Variants in ZC3H14 observed in about 807,000 individuals in gnomAD.
ZC3H14 encodes the protein zinc finger CCCH-type containing 14, also known as zinc finger CCCH domain-containing protein 14.
Under a neutral mutation model 92.4 loss-of-function variants are expected in ZC3H14, and 31 were observed. The observed-to-expected ratio is 0.34, with a 90% CI of 0.25 to 0.45. The LOEUF (loss-of-function observed/expected upper bound fraction) is 0.45. ZC3H14 is among the 20% of genes least tolerant of loss of function. The pLI is 1.00. For synonymous variants in ZC3H14, 321 were observed against 300.9 expected (o/e 1.07, Z -0.69); for missense variants, 781 against 897.3 (o/e 0.87, Z 1.66).
chr14:88,607,187 T>C, intron 12 of ZC3H14, 56 bp from the exon 13 acceptor site: 1 of 1,613,090 alleles, frequency 6.2e-7, no homozygotes, highest in Non-Finnish European at 8.5e-7. Flanking sequence ...TTAAAGGTGC[T>C]GTGTACTGAA....
intron 13 of ZC3H14, chr14:88,608,111 G>A: frequency 2.7e-6 from 1 of 366,104 alleles, no homozygotes; most frequent in Non-Finnish European, 5.1e-6. Flanking sequence ...CACCCTGCAA[G>A]TGAGTACCAT....
chr14:88,626,800 T>C lies in ZC3H14; in HGVS notation c.*15049T>C. On this transcript the variant is annotated 3_prime_UTR_variant, in exon 17 of 17. Coordinates refer to ENST00000251038, the MANE Select transcript of ZC3H14 (RefSeq NM_024824.5). The stretch of plus-strand genomic sequence containing the variant: ...TGATCTAAGGCAAGAGAATGTAAAG[T>C]AGTCAAAGTCACACTATGTGCATTT... 2.5e-6 allele frequency: 4 copies of C among 1,601,290 alleles called. No individual in the cohort carries two copies. The highest frequency in any genetic ancestry group is 2.7e-5 in the African/African-American group (2 of 74,824).
intron 9 of ZC3H14, among the ~76,000 whole-genome samples, chr14:88,583,652 C>G (rs755351643): frequency 6.6e-6 from 1 of 152,092 alleles, no homozygotes; most frequent in Non-Finnish European, 1.5e-5. Context: ...ATTATAGACA[C>G]CTGACTTAAT....
At chr14:88,564,415 C>G (rs1021806890) in intron 2 of ZC3H14, among the ~76,000 whole-genome samples, 1 of 152,250 alleles carries the variant, frequency 6.6e-6, no homozygotes, top group South Asian at 2.1e-4. Flanking sequence ...ACTGTGTAAA[C>G]AAGGAAACTG....
chr14:88,622,805 C>CTTTTTT lies in ZC3H14; in HGVS notation c.*11059_*11064dup. ...ACAAATACCAAGTTATAAGCAGAAT[C>CTTTTTT]TTTTTTTTTTAAAAAGGCCCTGATA... On this transcript the variant is annotated 3_prime_UTR_variant, in exon 17 of 17. Transcript: ENST00000251038. The CTTTTTT allele has an allele frequency of 1.9e-6, 1 of 514,258 alleles. No homozygotes were observed. The highest frequency in any genetic ancestry group is 3.0e-6 in the Non-Finnish European group (1 of 332,318). 31.9% of individuals were successfully genotyped at this position (514,258 alleles called of 1,614,324 possible). A position where few individuals can be genotyped will look rare whatever the true frequency, so the allele number is the denominator to read the frequency against.
At chr14:88,571,168 A>G (rs1445494779) in intron 4 of ZC3H14, 44 bp downstream of exon 4, 1 of 1,508,182 alleles carries the variant, frequency 6.6e-7, no homozygotes, top group East Asian at 2.3e-5. Context: ...TTGCTATGGC[A>G]TATGATTTGT....
chr14:88,601,127 AT>A (rs1409676050), intron 10 of ZC3H14, among the ~76,000 whole-genome samples: 1 of 152,032 alleles, frequency 6.6e-6, no homozygotes, highest in Non-Finnish European at 1.5e-5. Flanking sequence ...CTATTCTGAA[AT>A]TGTATATGTG....
At position 88,563,065 on chromosome 14, in the gene ZC3H14, A is replaced by G. The variant is rs1350355967; in HGVS notation, c.-69A>G. On this transcript the variant is annotated 5_prime_UTR_variant, in exon 1 of 17. Transcript: ENST00000251038. ...GGCGGTGGTGTCCCGGCTGCGGGGTAGGAGTCCGCGGCAGCCTCCGGGTAA... is the reference window on the plus strand; with the variant it reads ...GGCGGTGGTGTCCCGGCTGCGGGGTGGGAGTCCGCGGCAGCCTCCGGGTAA... The G allele has an allele frequency of 1.3e-6, 2 of 1,536,988 alleles. No homozygotes were observed. The highest frequency in any genetic ancestry group is 2.8e-5 in the African/African-American group (2 of 72,486).
At chr14:88,565,798 T>C (rs2079491624) in intron 2 of ZC3H14, among the ~76,000 whole-genome samples, 1 of 152,254 alleles carries the variant, frequency 6.6e-6, no homozygotes, top group Middle Eastern at 3.4e-3. Context: ...TTTTTTCATA[T>C]TCTTCAGTCA....
intron 7 of ZC3H14, 36 bp from the exon 8 acceptor site, chr14:88,575,804 A>C: frequency 6.4e-7 from 1 of 1,563,516 alleles, no homozygotes; most frequent in Non-Finnish European, 8.8e-7. Flanking sequence ...ACTGAAATTT[A>C]AAGTTTAATA....
At position 88,572,877 on chromosome 14, in the gene ZC3H14, C is replaced by T. The variant is rs1211525663; in HGVS notation, c.731C>T (p.Ala244Val). Residue 244 changes from alanine to valine, a missense_variant, in exon 6 of 17, where the codon GCC becomes GTC. Coordinates refer to ENST00000251038, the MANE Select transcript of ZC3H14 (RefSeq NM_024824.5). The stretch of plus-strand genomic sequence containing the variant: ...CAGCAGCAGAATAGTATTCATGCTG[C>T]CAAGCAGCTTGATATGCAGAGTAGT... ...FQQQQNSIHA[A>V]KQLDMQSSWV... The T allele has an allele frequency of 6.2e-7, 1 of 1,614,138 alleles. No individual in the cohort carries two copies. The highest frequency in any genetic ancestry group is 1.1e-5 in the South Asian group (1 of 91,080).
chr14:88,604,861 T>C (rs2085141052), intron 12 of ZC3H14, among the ~76,000 whole-genome samples: 1 of 152,166 alleles, frequency 6.6e-6, no homozygotes, highest in African/African-American at 2.4e-5. Flanking sequence ...CCCAAAGTTC[T>C]GGGATTACAG....
intron 2 of ZC3H14, among the ~76,000 whole-genome samples, chr14:88,567,345 A>G (rs367549495): frequency 1.5e-4 from 23 of 150,856 alleles, no homozygotes; most frequent in Non-Finnish European, 2.4e-4. Flanking sequence ...TCAATCTCCT[A>G]ACCTTGTGAT....
rs187815283 is a variant in ZC3H14 at position 88,621,707 on chromosome 14, C to T, written c.*9956C>T. 20 of 278,520 alleles carry T rather than the reference C, an allele frequency of 7.2e-5. No individual in the cohort carries two copies. The highest frequency in any genetic ancestry group is 4.2e-4 in the South Asian group (11 of 26,390). 17.3% of individuals were successfully genotyped at this position (278,520 alleles called of 1,614,324 possible). ...TAATATGCAGGCTGAAGATAATATC[C>T]GTATGATTTATAAATACACTTAATA... On this transcript the variant is annotated 3_prime_UTR_variant, in exon 17 of 17. Coordinates refer to ENST00000251038, the MANE Select transcript of ZC3H14 (RefSeq NM_024824.5).
At position 88,572,928 on chromosome 14, in the gene ZC3H14, G is replaced by T. The variant is rs2080628761; in HGVS notation, c.782G>T (p.Cys261Phe). Residue 261 changes from cysteine (C) to phenylalanine (F), a missense_variant, in exon 6 of 17, where the codon TGT (cysteine) becomes TTT (phenylalanine). Physicochemically the swap from Cys to Phe is radical, Grantham distance 205 (BLOSUM62 -2). Around this residue, in one of 3 missense-constraint regions of ZC3H14, gnomAD observed 454 missense variants for 438.5 expected, o/e 1.04. Coordinates refer to ENST00000251038, the MANE Select transcript of ZC3H14 (RefSeq NM_024824.5). ...TGGGTATATGAAACAGGACGTTTGT[G>T]TGAACCAGAGGTGCTTAACAGCTTA... ...SSWVYETGRL[C>F]EPEVLNSLEE... is the part of the protein sequence containing the mutation. 1 of 1,614,074 alleles carries T rather than the reference G, an allele frequency of 6.2e-7. No homozygotes were observed. The highest frequency in any genetic ancestry group is 8.5e-7 in the Non-Finnish European group (1 of 1,180,054).
intron 7 of ZC3H14, among the ~76,000 whole-genome samples, 165 bp downstream of exon 7, chr14:88,575,018 C>T (rs567283716): frequency 5.9e-5 from 9 of 152,350 alleles, no homozygotes; most frequent in African/African-American, 1.7e-4. Flanking sequence ...CTCACTGCAA[C>T]CTCTGCCTCC....
rs747235310 is a variant in ZC3H14, at chr14:88,621,258, A to G, written c.*9507A>G. On this transcript the variant is annotated 3_prime_UTR_variant, in exon 17 of 17. Transcript: ENST00000251038. ...ATTACAAGCTGCATTTTTCTCTCCA[A>G]CTTCGATTATTTCAGCATTCCTTGT... is the stretch of plus-strand genomic sequence containing the variant. The G allele has an allele frequency of 2.5e-6, 4 of 1,613,910 alleles. No homozygotes were observed. In the Middle Eastern group the frequency reaches 4.9e-4, roughly 200 times the overall value.
intron 9 of ZC3H14, among the ~76,000 whole-genome samples, chr14:88,581,454 G>A (rs977411996): frequency 5.9e-5 from 9 of 152,182 alleles, no homozygotes; most frequent in Non-Finnish European, 1.0e-4. Context: ...CTAGCTACTC[G>A]GGAGGCTGAG....
Position 88,602,863 on chromosome 14 carries a change from A to C in ZC3H14, c.1550A>C (p.Lys517Thr), listed in dbSNP as rs1486045278. 2 of 1,613,972 alleles carry C rather than the reference A, an allele frequency of 1.2e-6. No individual in the cohort carries two copies. The highest frequency in any genetic ancestry group is 1.3e-5 in the African/African-American group (1 of 74,912). Residue 517 changes from lysine to threonine, a missense_variant, in exon 12 of 17, where the codon AAG becomes ACG. Transcript: ENST00000251038. ...CAACCAGATAAACCTGCAAGTCCCAAGTTTATAGTGACGCTGGATGGTGTC... is the reference window on the plus strand; with the variant it reads ...CAACCAGATAAACCTGCAAGTCCCACGTTTATAGTGACGCTGGATGGTGTC... ...LVQPDKPASPKFIVTLDGVPS... is the reference protein window; with the variant it reads ...LVQPDKPASPTFIVTLDGVPS...
Sources: allele counts gnomAD v4.1 joint callset (sites outside exome capture counted in the v4.1 genomes callset), GRCh38; gene constraint gnomAD v4.1.1; regional missense constraint gnomAD v4.1.1; transcripts MANE v1.5; gene names NCBI Gene and HGNC (gene_info 2026-07-23, HGNC 2026-07-21).